The following SMYD2 variants were observed in gnomAD, a reference collection of about 807,000 sequenced individuals.
The protein encoded by SMYD2 is N-lysine methyltransferase SMYD2.
In SMYD2, 53 loss-of-function variants were observed where a neutral mutation model predicts 59.1. The observed-to-expected ratio is 0.90, with a 90% confidence interval of 0.72 to 1.13. The LOEUF is 1.13. Among genes scored for constraint, SMYD2 ranks in the 50% most tolerant of loss-of-function variants. The pLI is 0.00. For synonymous variants in SMYD2, 208 were observed against 198.8 expected (o/e 1.05, Z -0.39); for missense variants, 494 against 544.7 (o/e 0.91, Z 0.93).
At chr1:214,327,854 T>C (rs1356354391) in intron 7 of SMYD2, 130 bp downstream of exon 7, 1 of 699,852 alleles carries the variant, frequency 1.4e-6, no homozygotes. Flanking sequence ...TAGCTGAGTC[T>C]GCCCTCAGGC....
intron 6 of SMYD2, among the ~76,000 whole-genome samples, chr1:214,325,511 T>C (rs962417750): frequency 6.6e-6 from 1 of 152,240 alleles, no homozygotes; most frequent in Non-Finnish European, 1.5e-5. Flanking sequence ...CCTTTGCCTG[T>C]AGGTTGCCAC....
intron 1 of SMYD2, among the ~76,000 whole-genome samples, chr1:214,290,207 A>C (rs1656614272): frequency 6.6e-6 from 1 of 152,244 alleles, no homozygotes; most frequent in African/African-American, 2.4e-5. Flanking sequence ...TTAGCAGGAA[A>C]ATAATACAAA....
chr1:214,290,984 G>C (rs1463784293), intron 1 of SMYD2, among the ~76,000 whole-genome samples: 1 of 152,178 alleles, frequency 6.6e-6, no homozygotes, highest in Non-Finnish European at 1.5e-5. Flanking sequence ...ATGGTACAGT[G>C]ACAGTTGCTG....
intron 5 of SMYD2, among the ~76,000 whole-genome samples, chr1:214,320,143 A>G (rs1571930612): frequency 6.6e-6 from 1 of 152,232 alleles, no homozygotes; most frequent in Non-Finnish European, 1.5e-5. Flanking sequence ...GTTTGGTTAC[A>G]TAAATTATGG....
chr1:214,303,875 G>T (rs1656866947), intron 1 of SMYD2, among the ~76,000 whole-genome samples: 1 of 152,262 alleles, frequency 6.6e-6, no homozygotes, highest in African/African-American at 2.4e-5. Context: ...CAGTGTAGCC[G>T]CTTCGTGCTG....
At chr1:214,329,579 C>G (rs1657317198) in intron 7 of SMYD2, among the ~76,000 whole-genome samples, 1 of 152,216 alleles carries the variant, frequency 6.6e-6, no homozygotes, top group Non-Finnish European at 1.5e-5. Context: ...TCAGGAGCTG[C>G]CCGCTGGGCC....
At position 214,305,188 on chromosome 1, in the gene SMYD2, AAAG is replaced by A; in HGVS notation, c.179_181del (p.Glu60del). On this transcript the variant is annotated inframe_deletion and splice_region_variant, in exon 2 of 12. Transcript: ENST00000366957. Reference sequence around the variant, plus strand: ...TACAGTGCCCTTTCTGTTTTTAAGGAAAGAAGGATTGTCCAAATGTGGAAGATG... The same window carrying A: ...TACAGTGCCCTTTCTGTTTTTAAGGAAAGGATTGTCCAAATGTGGAAGATG... The A allele has an allele frequency of 1.2e-6, 2 of 1,614,094 alleles. No homozygotes were observed. The highest frequency in any genetic ancestry group is 1.7e-6 in the Non-Finnish European group (2 of 1,179,970).
chr1:214,326,252 AAAAAG>A (rs1166865240), intron 6 of SMYD2, among the ~76,000 whole-genome samples: 1 of 151,776 alleles, frequency 6.6e-6, no homozygotes, highest in Non-Finnish European at 1.5e-5. Context: ...AAAAAAAAAA[AAAAAG>A]AGTGAGGTGC....
chr1:214,293,007 CTGTTTG>C (rs1222665898), intron 1 of SMYD2, among the ~76,000 whole-genome samples: 4 of 137,022 alleles, frequency 2.9e-5, no homozygotes, highest in East Asian at 2.2e-4. Flanking sequence ...TTATCTTTTT[CTGTTTG>C]TGTGTGTGTG....
intron 6 of SMYD2, among the ~76,000 whole-genome samples, chr1:214,327,080 A>G (rs571339356): frequency 7.9e-5 from 12 of 152,368 alleles, no homozygotes; most frequent in African/African-American, 2.6e-4. Flanking sequence ...CAGGAGCAGT[A>G]ATGTCCCAAT....
intron 1 of SMYD2, among the ~76,000 whole-genome samples, chr1:214,301,769 T>TAAA (rs56102481): frequency 0.23 from 31,087 of 132,878 alleles, 4,217 homozygotes; most frequent in East Asian, 0.45. Context: ...TCTTTCAAGT[T>TAAA]AAAAAAAAAA....
At chr1:214,323,557 G>A (rs909864475) in intron 5 of SMYD2, among the ~76,000 whole-genome samples, 7 of 151,678 alleles carry the variant, frequency 4.6e-5, no homozygotes, top group Non-Finnish European at 5.9e-5. Context: ...TCAGCCTCCC[G>A]AGTAGATGGA....
intron 10 of SMYD2, 70 bp from the exon 11 acceptor site, chr1:214,334,130 C>G (rs923615989): frequency 4.8e-5 from 69 of 1,429,690 alleles, no homozygotes; most frequent in Admixed American, 2.4e-4. Context: ...CTCCGGCTTA[C>G]TGCACCCAGC....
At chr1:214,310,332 C>T (rs1366558911) in intron 2 of SMYD2, among the ~76,000 whole-genome samples, 1 of 152,110 alleles carries the variant, frequency 6.6e-6, no homozygotes, top group Non-Finnish European at 1.5e-5. Context: ...TGAAAAATTC[C>T]ATATCTCACC....
intron 3 of SMYD2, among the ~76,000 whole-genome samples, chr1:214,315,931 A>G (rs1657078654): frequency 6.6e-6 from 1 of 152,250 alleles, no homozygotes; most frequent in Non-Finnish European, 1.5e-5. Context: ...AAATTGCTTT[A>G]GCCACCGTAC....
At chr1:214,292,927 A>G (rs1656659199) in intron 1 of SMYD2, among the ~76,000 whole-genome samples, 1 of 151,812 alleles carries the variant, frequency 6.6e-6, no homozygotes, top group African/African-American at 2.4e-5. Context: ...TTCCTAGGTA[A>G]GGCCTTAGAG....
At chr1:214,296,314 G>A (rs201762352) in intron 1 of SMYD2, among the ~76,000 whole-genome samples, 4 of 152,308 alleles carry the variant, frequency 2.6e-5, no homozygotes, top group Non-Finnish European at 5.9e-5. Flanking sequence ...TGACAGGAGC[G>A]TGTCTTCTAA....
chr1:214,314,086 A>C (rs1043518965), intron 2 of SMYD2, among the ~76,000 whole-genome samples: 1 of 152,098 alleles, frequency 6.6e-6, no homozygotes, highest in African/African-American at 2.4e-5. Flanking sequence ...CTGAGGCAGG[A>C]GAATCACTTG....
At chr1:214,285,836 G>A (rs556935195) in intron 1 of SMYD2, among the ~76,000 whole-genome samples, 35 of 152,300 alleles carry the variant, frequency 2.3e-4, no homozygotes, top group African/African-American at 7.9e-4. Context: ...TAGGCTGTAT[G>A]GTATAGCCTG....
Sources: allele counts gnomAD v4.1 joint callset (sites outside exome capture counted in the v4.1 genomes callset), GRCh38; gene constraint gnomAD v4.1.1; transcripts MANE v1.5; gene names NCBI Gene and HGNC (gene_info 2026-07-23, HGNC 2026-07-21).